The following ZCCHC10 variants were observed in gnomAD, a reference collection of about 807,000 sequenced individuals.
ZCCHC10 encodes the protein zinc finger CCHC domain-containing protein 10.
Under a neutral mutation model 19.5 loss-of-function variants are expected in ZCCHC10, and 16 were observed. The observed-to-expected ratio is 0.82, with a 90% confidence interval of 0.56 to 1.25. ZCCHC10 has a LOEUF of 1.25. Ranked by LOEUF, ZCCHC10 falls within the 50% of genes most tolerant of loss-of-function variation. The pLI, the probability that ZCCHC10 is intolerant of heterozygous loss-of-function variation, is 0.00. For missense variants in ZCCHC10, 197 were observed against 201.0 expected, an observed-to-expected ratio of 0.98 and a Z score of 0.12; for synonymous variants, 67 against 72.5, an observed-to-expected ratio of 0.92 and a Z score of 0.38.
Position 133,026,496 on chromosome 5 carries a change from C to A in ZCCHC10, c.41+1G>T. 6.2e-7 allele frequency: 1 copy of A among 1,613,752 alleles called. No individual in the cohort carries two copies. Among genetic ancestry groups the A allele is most frequent in the Non-Finnish European group, 8.5e-7 (1 of 1,179,928 alleles). On this transcript the variant is annotated splice_donor_variant, in intron 1 of 4. Coordinates refer to ENST00000509437, the MANE Select transcript of ZCCHC10 (RefSeq NM_001300816.3). LOFTEE classifies it high-confidence loss of function. The stretch of plus-strand genomic sequence containing the variant: ...TGGACCCGAACCGGATCCTTACTTA[C>A]GCTTGTCTCCGGGCTATTAGCCGAT...
At chr5:133,019,518 AT>A (rs1295580911) in intron 2 of ZCCHC10, among the ~76,000 whole-genome samples, 1 of 152,186 alleles carries the variant, frequency 6.6e-6, no homozygotes. Context: ...CACACTTGCC[AT>A]ATTGGCAAAG....
At chr5:133,015,397 C>T (rs1003663926) in intron 2 of ZCCHC10, among the ~76,000 whole-genome samples, 2 of 151,984 alleles carry the variant, frequency 1.3e-5, no homozygotes, top group Non-Finnish European at 2.9e-5. Context: ...TACTTTTCAT[C>T]CTTTTGTAAT....
In ZCCHC10 at chr5:133,026,507, G is replaced by A. The variant is rs760771164; in HGVS notation, c.31C>T (p.Arg11Trp). Residue 11 changes from arginine to tryptophan, a missense_variant, in exon 1 of 5, where the codon CGG (arginine) becomes TGG (tryptophan). Physicochemically the swap from Arg to Trp is moderately radical, Grantham distance 101. Coordinates refer to ENST00000509437, the MANE Select transcript of ZCCHC10 (RefSeq NM_001300816.3). MATPMHRLIA[R>W]RQAFDTELQP... ...CGGATCCTTACTTACGCTTGTCTCC[G>A]GGCTATTAGCCGATGCATGGGAGTC... The A allele has an allele frequency of 3.2e-5, 51 of 1,613,628 alleles. No homozygotes were observed. The highest frequency in any genetic ancestry group is 4.2e-5 in the Non-Finnish European group (49 of 1,179,940).
At chr5:133,001,204 A>G (rs1228838215) in intron 3 of ZCCHC10, among the ~76,000 whole-genome samples, 1 of 151,628 alleles carries the variant, frequency 6.6e-6, no homozygotes, top group East Asian at 2.0e-4. Context: ...CCTGGCCAAC[A>G]TGGTGAAACC....
intron 2 of ZCCHC10, among the ~76,000 whole-genome samples, chr5:133,011,082 G>A (rs910902132): frequency 1.3e-5 from 2 of 150,780 alleles, no homozygotes; most frequent in Non-Finnish European, 2.9e-5. Flanking sequence ...GTGAGCCACC[G>A]CACCTGGCTA....
intron 2 of ZCCHC10, among the ~76,000 whole-genome samples, chr5:133,009,555 G>A (rs542968715): frequency 9.5e-5 from 14 of 147,152 alleles, no homozygotes; most frequent in South Asian, 2.1e-4. Flanking sequence ...CAGAGGTTGC[G>A]GTGAGCTGAG....
chr5:133,019,457 G>A (rs1022800985), intron 2 of ZCCHC10, among the ~76,000 whole-genome samples: 3 of 152,000 alleles, frequency 2.0e-5, no homozygotes, highest in Non-Finnish European at 2.9e-5. Flanking sequence ...TATTGTAACG[G>A]TACAGGCTTT....
At chr5:133,025,230 C>G (rs574407094) in intron 1 of ZCCHC10, among the ~76,000 whole-genome samples, 3 of 151,966 alleles carry the variant, frequency 2.0e-5, no homozygotes, top group Admixed American at 2.0e-4. Context: ...GGTTGCCGCG[C>G]GCGGTAGCTC....
rs1396535054 is a variant in ZCCHC10 at position 133,016,686 on chromosome 5, GC to G, written c.107+6154del. Reference sequence around the variant, plus strand: ...TTGAACTCCTGACCTCAGGTGATCTGCCCGCCTCAGCCTCCCAAAGTGCTGG... The same window carrying G: ...TTGAACTCCTGACCTCAGGTGATCTGCCGCCTCAGCCTCCCAAAGTGCTGG... On this transcript the variant is annotated intron_variant, in intron 2 of 4. Transcript: ENST00000509437. Among the ~76,000 whole-genome samples, 7 of 152,142 alleles carry G rather than the reference GC, an allele frequency of 4.6e-5. 1 individual carries two copies. Among genetic ancestry groups the G allele is most frequent in the African/African-American group, 1.4e-4 (6 of 41,522 alleles).
intron 1 of ZCCHC10, among the ~76,000 whole-genome samples, 192 bp from the exon 2 acceptor site, chr5:133,023,098 T>C (rs184823940): frequency 1.6e-4 from 24 of 152,300 alleles, no homozygotes; most frequent in African/African-American, 4.3e-4. Context: ...ATAAATATTA[T>C]TGTTTTTCAG....
At chr5:133,022,457 C>CTT (rs752460017) in intron 2 of ZCCHC10, among the ~76,000 whole-genome samples, 10 of 141,564 alleles carry the variant, frequency 7.1e-5, no homozygotes, top group African/African-American at 1.3e-4. Flanking sequence ...TATTGTTCAA[C>CTT]TTTTTTTTTT....
At chr5:133,020,578 T>C (rs1764236428) in intron 2 of ZCCHC10, among the ~76,000 whole-genome samples, 2 of 142,916 alleles carry the variant, frequency 1.4e-5, no homozygotes, top group Admixed American at 1.5e-4. Context: ...GATATGATCA[T>C]ACAACTACAC....
At chr5:133,003,654 C>G (rs1369009246) in intron 3 of ZCCHC10, among the ~76,000 whole-genome samples, 1 of 151,524 alleles carries the variant, frequency 6.6e-6, no homozygotes, top group African/African-American at 2.4e-5. Context: ...CAGCATTTGG[C>G]TGATAGTATA....
At chr5:133,004,878 A>G (rs1008711817) in intron 3 of ZCCHC10, among the ~76,000 whole-genome samples, 3 of 152,170 alleles carry the variant, frequency 2.0e-5, no homozygotes, top group African/African-American at 7.2e-5. Context: ...TTTCCATGTC[A>G]CTCGATTCTC....
chr5:133,013,886 A>C (rs1450373015), intron 2 of ZCCHC10, among the ~76,000 whole-genome samples: 1 of 152,160 alleles, frequency 6.6e-6, no homozygotes, highest in Non-Finnish European at 1.5e-5. Context: ...TGTATGCAAT[A>C]GAAATCTATG....
At chr5:133,006,980 A>T (rs913786901) in intron 2 of ZCCHC10, 60 bp from the exon 3 acceptor site, 1 of 1,434,608 alleles carries the variant, frequency 7.0e-7, no homozygotes, top group Non-Finnish European at 9.3e-7. Context: ...TTCACCCTAA[A>T]AACTATAAAA....
chr5:133,000,186 A>G lies in ZCCHC10; in HGVS notation c.270-13T>C. 6.2e-7 allele frequency: 1 copy of G among 1,613,674 alleles called. No homozygotes were observed. Among genetic ancestry groups the G allele is most frequent in the East Asian group, 2.2e-5 (1 of 44,860 alleles). On this transcript the variant is annotated splice_polypyrimidine_tract_variant and intron_variant, in intron 3 of 4. Coordinates refer to ENST00000509437, the MANE Select transcript of ZCCHC10 (RefSeq NM_001300816.3). ...GGTTTCTCCAATGCTGATAAACACGAGGGGGAAAAAAGCTCCTGTTAATAG... is the reference window on the plus strand; with the variant it reads ...GGTTTCTCCAATGCTGATAAACACGGGGGGGAAAAAAGCTCCTGTTAATAG...
Position 133,019,218 on chromosome 5 carries a change from C to G in ZCCHC10, c.107+3623G>C, listed in dbSNP as rs1441122713. The G allele has an allele frequency of 2.0e-5, 6 of 304,496 alleles. No individual in the cohort carries two copies. The Admixed American group carries it at 3.0e-4, about 15-fold the overall frequency. The allele number at this position is 304,496 out of a possible 1,614,324, so 18.9% of individuals were successfully genotyped here. On this transcript the variant is annotated intron_variant, in intron 2 of 4. Transcript: ENST00000509437. ...CAACACTGTCTCTAAAAAAAAAAAA[C>G]AGAGAGAGAAAACAAATGAAGCCCA...
rs1762621996 is a variant in ZCCHC10 at position 132,999,346 on chromosome 5, A to G, written c.312-496T>C. Among the ~76,000 whole-genome samples the G allele has an allele frequency of 2.0e-5, 3 of 152,210 alleles. No individual in the cohort carries two copies. In the South Asian group the frequency reaches 6.2e-4, roughly 32 times the overall value. The stretch of plus-strand genomic sequence containing the variant: ...ACCACAGTCCCTCTCTTTACAAGGC[A>G]TTGTTACTTCAGCAACTTAATTCTC... On this transcript the variant is annotated intron_variant, in intron 4 of 4. Transcript: ENST00000509437.
Sources: allele counts gnomAD v4.1 joint callset (sites outside exome capture counted in the v4.1 genomes callset), GRCh38; gene constraint gnomAD v4.1.1; transcripts MANE v1.5; gene names NCBI Gene and HGNC (gene_info 2026-07-23, HGNC 2026-07-21).